Variants in ABAT observed in about 807,000 individuals in gnomAD.
The protein encoded by ABAT is 4-aminobutyrate aminotransferase, mitochondrial.
Under a neutral mutation model 64.6 loss-of-function variants are expected in ABAT, and 45 were observed. The observed-to-expected ratio is 0.70, with a 90% CI of 0.55 to 0.89. The LOEUF (loss-of-function observed/expected upper bound fraction) is 0.89. Ranked by LOEUF, ABAT falls within the 40% of genes least tolerant of loss-of-function variation. The pLI, the probability that ABAT is intolerant of heterozygous loss-of-function variation, is 0.00. For missense variants in ABAT, 633 were observed against 658.4 expected, an observed-to-expected ratio of 0.96 and a Z score of 0.42; for synonymous variants, 297 against 250.5, an observed-to-expected ratio of 1.19 and a Z score of -1.75.
chr16:8,733,313 T>TGGC (rs1273180119), intron 1 of ABAT, among the ~76,000 whole-genome samples: 1 of 147,884 alleles, frequency 6.8e-6, no homozygotes, highest in Non-Finnish European at 1.5e-5. Flanking sequence ...CTAGGTGGGA[T>TGGC]GGCGGCCGGG....
intron 1 of ABAT, chr16:8,714,916 TC>T (rs1458547648): frequency 6.6e-6 from 1 of 152,566 alleles, no homozygotes; most frequent in Non-Finnish European, 1.5e-5. Flanking sequence ...CCATCCCCCT[TC>T]CCCTACCCTG....
chr16:8,706,416 A>AG (rs942249386), intron 1 of ABAT, among the ~76,000 whole-genome samples: 3 of 147,548 alleles, frequency 2.0e-5, no homozygotes, highest in African/African-American at 7.4e-5. Flanking sequence ...AAAAAAAAAA[A>AG]AAAAAAAGAA....
chr16:8,675,070 G>C (rs1399426184), intron 1 of ABAT, among the ~76,000 whole-genome samples: 1 of 152,094 alleles, frequency 6.6e-6, no homozygotes, highest in African/African-American at 2.4e-5. Flanking sequence ...AGAAAACTAA[G>C]TTTGGGTGTC....
chr16:8,770,948 G>T (rs75906034), intron 11 of ABAT, among the ~76,000 whole-genome samples: 1 of 151,566 alleles, frequency 6.6e-6, no homozygotes, highest in African/African-American at 2.4e-5. Context: ...CCTTTTCTTC[G>T]TATTCAGTTT....
At chr16:8,759,088 G>A (rs1036944199) in intron 6 of ABAT, among the ~76,000 whole-genome samples, 2 of 151,784 alleles carry the variant, frequency 1.3e-5, no homozygotes, top group African/African-American at 4.8e-5. Context: ...GGTGACAGAG[G>A]GAGACTTTAT....
At chr16:8,719,791 AGTT>A (rs2142162254) in intron 1 of ABAT, among the ~76,000 whole-genome samples, 1 of 152,312 alleles carries the variant, frequency 6.6e-6, no homozygotes, top group African/African-American at 2.4e-5. Flanking sequence ...GAAAAAAAGA[AGTT>A]GTTCACAATT....
At chr16:8,773,902 A>C (rs1164771877) in intron 12 of ABAT, among the ~76,000 whole-genome samples, 9 of 152,208 alleles carry the variant, frequency 5.9e-5, no homozygotes, top group Middle Eastern at 3.4e-3. Context: ...ATGGCTGAAT[A>C]GTATTTCTTT....
At chr16:8,773,478 G>A (rs1440702961) in intron 12 of ABAT, among the ~76,000 whole-genome samples, 1 of 152,092 alleles carries the variant, frequency 6.6e-6, no homozygotes, top group Non-Finnish European at 1.5e-5. Context: ...AAACCTTTTT[G>A]GATACATAAT....
At chr16:8,755,017 G>A (rs572559687) in intron 5 of ABAT, among the ~76,000 whole-genome samples, 9 of 152,196 alleles carry the variant, frequency 5.9e-5, no homozygotes, top group East Asian at 1.9e-4. Context: ...CTTCAAACTC[G>A]AGAATTTCTG....
At chr16:8,685,390 G>A (rs921024988) in intron 1 of ABAT, among the ~76,000 whole-genome samples, 2 of 151,610 alleles carry the variant, frequency 1.3e-5, no homozygotes, top group Admixed American at 6.6e-5. Flanking sequence ...ACAATGTTAC[G>A]CCGGGTGTGG....
At position 8,737,860 on chromosome 16, in the gene ABAT, G is replaced by A. The variant is rs144893061; in HGVS notation, c.70+2051G>A. Among the ~76,000 whole-genome samples the A allele has an allele frequency of 5.8e-3, 866 of 148,182 alleles. 5 individuals carry two copies. Among genetic ancestry groups the A allele is most frequent in the Middle Eastern group, 0.035 (10 of 288 alleles). On this transcript the variant is annotated intron_variant, in intron 2 of 15. Coordinates refer to ENST00000268251, the MANE Select transcript of ABAT (RefSeq NM_020686.6). Reference sequence around the variant, plus strand: ...GAAGAAGCACTTGAACCCAGAAGGCGGAGGTTGCAGTAAGCTGAGATTGAG... The same window carrying A: ...GAAGAAGCACTTGAACCCAGAAGGCAGAGGTTGCAGTAAGCTGAGATTGAG...
chr16:8,678,347 G>A (rs1187313285), intron 1 of ABAT, among the ~76,000 whole-genome samples: 3 of 152,116 alleles, frequency 2.0e-5, no homozygotes, highest in Non-Finnish European at 4.4e-5. Context: ...CAAAGCGCTG[G>A]GGTTACAAGT....
intron 12 of ABAT, among the ~76,000 whole-genome samples, chr16:8,773,500 G>T (rs7193305): frequency 6.6e-6 from 1 of 152,098 alleles, no homozygotes; most frequent in Non-Finnish European, 1.5e-5. Flanking sequence ...GTTGCAGTGC[G>T]TAATGATCAA....
intron 1 of ABAT, among the ~76,000 whole-genome samples, chr16:8,727,438 T>C (rs1337909677): frequency 6.6e-6 from 1 of 152,208 alleles, no homozygotes; most frequent in Non-Finnish European, 1.5e-5. Flanking sequence ...CATTGCCTTC[T>C]GAAATCGCCT....
At chr16:8,773,530 C>T (rs142062979) in intron 12 of ABAT, among the ~76,000 whole-genome samples, 7 of 152,282 alleles carry the variant, frequency 4.6e-5, no homozygotes, top group African/African-American at 1.7e-4. Flanking sequence ...ATTGGATATC[C>T]ATCACCTAAA....
In ABAT at chr16:8,781,933, A is replaced by G. The variant is rs1405446085; in HGVS notation, c.*503A>G. On this transcript the variant is annotated 3_prime_UTR_variant, in exon 16 of 16. Coordinates refer to ENST00000268251, the MANE Select transcript of ABAT (RefSeq NM_020686.6). This position sits in a 1 kb window ranked among gnomAD's most constrained non-coding sequence, Gnocchi z 4.5. The stretch of plus-strand genomic sequence containing the variant: ...CCGGAGCTCTGAGCACGCCCCACGC[A>G]TGGTGCAGGAGGGACTGGACAGATC... 2 of 298,762 alleles carry G rather than the reference A, an allele frequency of 6.7e-6. No homozygotes were observed. Among genetic ancestry groups the G allele is most frequent in the South Asian group, 3.3e-5 (1 of 29,994 alleles). 18.5% of individuals were successfully genotyped at this position (298,762 alleles called of 1,614,324 possible). A position where few individuals can be genotyped will look rare whatever the true frequency, so the allele number is the denominator to read the frequency against.
intron 5 of ABAT, among the ~76,000 whole-genome samples, chr16:8,755,993 G>A (rs1484660527): frequency 6.6e-6 from 1 of 152,076 alleles, no homozygotes; most frequent in African/African-American, 2.4e-5. Flanking sequence ...AGCTTGCAGT[G>A]AGCCGAGATT....
chr16:8,765,251 G>C (rs2059911029), intron 8 of ABAT, among the ~76,000 whole-genome samples: 1 of 151,572 alleles, frequency 6.6e-6, no homozygotes, highest in Non-Finnish European at 1.5e-5. Flanking sequence ...TGGAAGGATT[G>C]CTTGAGCCTG....
intron 11 of ABAT, among the ~76,000 whole-genome samples, chr16:8,769,309 G>C (rs1596467920): frequency 6.6e-6 from 1 of 152,174 alleles, no homozygotes; most frequent in Non-Finnish European, 1.5e-5. Context: ...GGCTCCGCCT[G>C]TAATCCCAGC....
Sources: gnomAD v4.1 joint callset for allele counts (sites outside exome capture counted in the v4.1 genomes callset) on GRCh38, gnomAD v4.1.1 for gene constraint, Gnocchi (gnomAD v3.1) non-coding constraint, MANE v1.5 for transcripts, NCBI Gene and HGNC (gene_info 2026-07-23, HGNC 2026-07-21) for gene names.